Variants in PDE11A observed in about 807,000 individuals in gnomAD.
PDE11A encodes the protein phosphodiesterase 11A.
PDE11A carries 100 observed loss-of-function variants against 100.5 expected under a neutral mutation model. The observed-to-expected ratio is 1.00, with a 90% confidence interval of 0.85 to 1.18. PDE11A has a LOEUF of 1.18. Ranked by LOEUF, PDE11A falls within the 50% of genes most tolerant of loss-of-function variation. The pLI, the probability that PDE11A is intolerant of heterozygous loss-of-function variation, is 0.00. For synonymous variants in PDE11A, 381 were observed against 420.8 expected (o/e 0.91, Z 1.16); for missense variants, 1,141 against 1,152.6 (o/e 0.99, Z 0.15).
chr2:177,922,356 C>T (rs1365285604), intron 2 of PDE11A, among the ~76,000 whole-genome samples: 2 of 152,096 alleles, frequency 1.3e-5, no homozygotes, highest in Non-Finnish European at 2.9e-5. Context: ...TTAATGGGTG[C>T]AGCACACCAA....
intron 1 of PDE11A, among the ~76,000 whole-genome samples, chr2:178,029,470 G>A (rs2105839722): frequency 6.6e-6 from 1 of 151,944 alleles, no homozygotes; most frequent in East Asian, 1.9e-4. Context: ...AAAAATACCA[G>A]GATGATTACA....
At position 177,919,190 on chromosome 2, in the gene PDE11A, C is replaced by A. The variant is rs562352722; in HGVS notation, c.1072-14003G>T. 4.5e-5 allele frequency among the ~76,000 whole-genome samples: 6 copies of A among 132,290 alleles called. No individual in the cohort carries two copies. In the Middle Eastern group the frequency reaches 0.011, roughly 252 times the overall value. The allele number at this position is 132,290 out of a possible 152,430, so 86.8% of individuals were successfully genotyped here. A position where few individuals can be genotyped will look rare whatever the true frequency, so the allele number is the denominator to read the frequency against. On this transcript the variant is annotated intron_variant, in intron 2 of 19. Coordinates refer to ENST00000286063, the MANE Select transcript of PDE11A (RefSeq NM_016953.4). ...ATGGCTCACTGCAACCTCCGCCTCCCGGGTTCAAGCGATTCTTCTGCCTCA... is the reference window on the plus strand; with the variant it reads ...ATGGCTCACTGCAACCTCCGCCTCCAGGGTTCAAGCGATTCTTCTGCCTCA...
chr2:177,819,894 CTG>C (rs1553478528), intron 7 of PDE11A, among the ~76,000 whole-genome samples: 118 of 134,574 alleles, frequency 8.8e-4, no homozygotes, highest in African/African-American at 3.6e-3. Context: ...CTCTCTCTCT[CTG>C]TCTCTGTCTC....
At chr2:177,913,106 T>C (rs1399109311) in intron 2 of PDE11A, among the ~76,000 whole-genome samples, 1 of 152,198 alleles carries the variant, frequency 6.6e-6, no homozygotes, top group African/African-American at 2.4e-5. Context: ...TTTTATGATA[T>C]ATAAAATATA....
chr2:177,991,469 A>C (rs2086003656), intron 2 of PDE11A, among the ~76,000 whole-genome samples: 1 of 150,658 alleles, frequency 6.6e-6, no homozygotes, highest in African/African-American at 2.4e-5. Flanking sequence ...CCCCATCTCT[A>C]CTAAAAATAC....
At chr2:177,985,288 A>C (rs1206514152) in intron 2 of PDE11A, among the ~76,000 whole-genome samples, 3 of 152,208 alleles carry the variant, frequency 2.0e-5, no homozygotes, top group African/African-American at 7.2e-5. Context: ...AACTGAAATT[A>C]ATAATGTAGA....
intron 5 of PDE11A, among the ~76,000 whole-genome samples, chr2:177,847,453 C>A (rs1355031678): frequency 2.0e-5 from 3 of 152,170 alleles, no homozygotes; most frequent in South Asian, 2.1e-4. Flanking sequence ...AAGATAGAGA[C>A]TCACTGCTGT....
intron 5 of PDE11A, among the ~76,000 whole-genome samples, chr2:177,872,237 C>T (rs1574237894): frequency 6.6e-6 from 1 of 152,274 alleles, no homozygotes; most frequent in East Asian, 1.9e-4. Context: ...TTAGAATAAA[C>T]AGATAGAAGT....
At chr2:177,845,133 C>T (rs1161569113) in intron 5 of PDE11A, among the ~76,000 whole-genome samples, 1 of 151,958 alleles carries the variant, frequency 6.6e-6, no homozygotes, top group African/African-American at 2.4e-5. Context: ...AGGCGCTCCT[C>T]ACCTCCCGGA....
chr2:178,089,759 A>AG (rs2087398564), intron 2 of PDE11A, among the ~76,000 whole-genome samples: 1 of 152,204 alleles, frequency 6.6e-6, no homozygotes, highest in Admixed American at 6.5e-5. Flanking sequence ...CAGCAGAGCA[A>AG]GTACTTGGAA....
chr2:178,012,864 G>A (rs977999438), intron 2 of PDE11A, among the ~76,000 whole-genome samples: 10 of 152,088 alleles, frequency 6.6e-5, no homozygotes, highest in Non-Finnish European at 7.4e-5. Flanking sequence ...TTGGAAAGAC[G>A]CAAAACCCAC....
chr2:177,735,565 A>T (rs981136279), intron 10 of PDE11A, among the ~76,000 whole-genome samples: 2 of 152,206 alleles, frequency 1.3e-5, no homozygotes, highest in Non-Finnish European at 2.9e-5. Flanking sequence ...GGAGAACAGC[A>T]CTACAGAGTA....
intron 2 of PDE11A, among the ~76,000 whole-genome samples, chr2:177,947,920 C>T (rs1373277091): frequency 3.3e-5 from 5 of 152,128 alleles, no homozygotes; most frequent in African/African-American, 9.6e-5. Flanking sequence ...CACCCTTCAG[C>T]GATAGCCCTC....
intron 3 of PDE11A, among the ~76,000 whole-genome samples, chr2:177,901,058 C>T (rs1435736854): frequency 2.6e-5 from 4 of 152,206 alleles, no homozygotes; most frequent in African/African-American, 9.6e-5. Context: ...TCCTTCTTCC[C>T]TGGGGACTAG....
intron 6 of PDE11A, among the ~76,000 whole-genome samples, chr2:177,821,083 C>A (rs917497584): frequency 3.3e-5 from 5 of 151,816 alleles, no homozygotes; most frequent in Non-Finnish European, 5.9e-5. Context: ...GGTTTTGGAT[C>A]ATGGATATGG....
Position 178,071,585 on chromosome 2 carries a change from C to T in PDE11A, c.853G>A (p.Gly285Ser), listed in dbSNP as rs1559062288. The change falls in exon 1 of 20, where the codon GGT becomes AGT. Residue 285 changes from glycine (G) to serine (S), a missense_variant. Coordinates refer to ENST00000286063, the MANE Select transcript of PDE11A (RefSeq NM_016953.4). ...TGCTCCCCGACATAGCCAATGATAC[C>T]TTTGCCCCAGGGGACCTGCACCTCA... ...SNEVQVPWGK[G>S]IIGYVGEHGE... 6.2e-7 allele frequency: 1 copy of T among 1,613,732 alleles called. No individual in the cohort carries two copies. The highest frequency in any genetic ancestry group is 8.5e-7 in the Non-Finnish European group (1 of 1,179,766).
chr2:177,684,754 GT>G (rs1184401462), intron 15 of PDE11A, among the ~76,000 whole-genome samples: 7 of 152,244 alleles, frequency 4.6e-5, no homozygotes, highest in African/African-American at 1.7e-4. Flanking sequence ...GCAAAATTAG[GT>G]TATCAGTAAG....
At chr2:177,642,248 T>A (rs927244000) in intron 19 of PDE11A, among the ~76,000 whole-genome samples, 1 of 152,168 alleles carries the variant, frequency 6.6e-6, no homozygotes, top group Non-Finnish European at 1.5e-5. Flanking sequence ...ATGACATAGG[T>A]CTATGGAGGT....
chr2:177,943,127 G>A (rs1232948199), intron 2 of PDE11A, among the ~76,000 whole-genome samples: 1 of 152,122 alleles, frequency 6.6e-6, no homozygotes, highest in Non-Finnish European at 1.5e-5. Flanking sequence ...ATCCACCAAT[G>A]GCCACTTAGA....
Sources: gnomAD v4.1 joint callset for allele counts (sites outside exome capture counted in the v4.1 genomes callset) on GRCh38, gnomAD v4.1.1 for gene constraint, MANE v1.5 for transcripts, NCBI Gene and HGNC (gene_info 2026-07-23, HGNC 2026-07-21) for gene names.